CTNND2: variants seen among roughly 807,000 people sequenced by gnomAD.
The protein encoded by CTNND2 is catenin delta-2.
A neutral mutation model predicts 144.4 loss-of-function variants in CTNND2; 22 were observed. That is an observed-to-expected ratio of 0.15 (90% CI 0.11 to 0.22). CTNND2 has a LOEUF of 0.22. CTNND2 is among the 10% of genes least tolerant of loss of function. The pLI is 1.00. For missense variants in CTNND2, 1,353 were observed against 1,618.8 expected, an observed-to-expected ratio of 0.84 and a Z score of 2.82; for synonymous variants, 751 against 695.6, an observed-to-expected ratio of 1.08 and a Z score of -1.25.
chr5:11,448,226 G>C (rs1764998890), intron 3 of CTNND2, among the ~76,000 whole-genome samples: 1 of 152,076 alleles, frequency 6.6e-6, no homozygotes, highest in Admixed American at 6.6e-5. Context: ...GTGTAACTTT[G>C]GTAATGATAT....
chr5:11,666,943 G>C (rs1405201740), intron 2 of CTNND2, among the ~76,000 whole-genome samples: 1 of 151,602 alleles, frequency 6.6e-6, no homozygotes, highest in Non-Finnish European at 1.5e-5. Context: ...ACAGGCCCCA[G>C]TGTGTGATGT....
At chr5:11,805,060 C>T (rs938531376) in intron 1 of CTNND2, among the ~76,000 whole-genome samples, 11 of 152,084 alleles carry the variant, frequency 7.2e-5, no homozygotes, top group African/African-American at 1.9e-4. Flanking sequence ...CATGGGTTAA[C>T]GACTGTGATC....
At chr5:11,593,202 A>T (rs966800086) in intron 2 of CTNND2, among the ~76,000 whole-genome samples, 26 of 144,376 alleles carry the variant, frequency 1.8e-4, no homozygotes, top group African/African-American at 5.9e-4. Flanking sequence ...AACAGAATAT[A>T]AAAAAAGTTA....
At chr5:11,103,982 A>G (rs1288511573) in intron 14 of CTNND2, among the ~76,000 whole-genome samples, 1 of 152,208 alleles carries the variant, frequency 6.6e-6, no homozygotes, top group Non-Finnish European at 1.5e-5. Context: ...GAGAAGTGCT[A>G]AAATACACAG....
chr5:11,537,959 C>G (rs60968476), intron 3 of CTNND2, among the ~76,000 whole-genome samples: 3 of 152,138 alleles, frequency 2.0e-5, no homozygotes, highest in Non-Finnish European at 4.4e-5. Context: ...TATTCACCTA[C>G]GCTGTTACTA....
At chr5:11,547,849 G>A (rs1186467868) in intron 3 of CTNND2, among the ~76,000 whole-genome samples, 1 of 152,192 alleles carries the variant, frequency 6.6e-6, no homozygotes, top group African/African-American at 2.4e-5. Flanking sequence ...GAGAGAAGTT[G>A]AGGATGTTCC....
At chr5:11,076,954 A>G (rs1257793925) in intron 16 of CTNND2, among the ~76,000 whole-genome samples, 1 of 152,222 alleles carries the variant, frequency 6.6e-6, no homozygotes, top group Non-Finnish European at 1.5e-5. Flanking sequence ...GAGTGTCTGC[A>G]TGCATCTAGT....
chr5:11,449,695 C>A (rs61760347), intron 3 of CTNND2, among the ~76,000 whole-genome samples: 1,944 of 152,260 alleles, frequency 0.013, 48 homozygotes, highest in African/African-American at 0.045. Context: ...ATCCTGATTT[C>A]TTTTTTAGAT....
At chr5:11,835,537 T>C (rs1485258684) in intron 1 of CTNND2, among the ~76,000 whole-genome samples, 4 of 152,202 alleles carry the variant, frequency 2.6e-5, no homozygotes, top group Admixed American at 6.5e-5. Flanking sequence ...AATGTTAGTG[T>C]TGGTAGTTTG....
At chr5:11,329,691 GT>G (rs1280308927) in intron 9 of CTNND2, among the ~76,000 whole-genome samples, 1 of 152,192 alleles carries the variant, frequency 6.6e-6, no homozygotes, top group African/African-American at 2.4e-5. Flanking sequence ...AGAGAAGAAG[GT>G]GGTCAGAGGG....
At chr5:11,703,674 C>T (rs941098299) in intron 2 of CTNND2, among the ~76,000 whole-genome samples, 7 of 152,182 alleles carry the variant, frequency 4.6e-5, no homozygotes, top group African/African-American at 1.7e-4. Flanking sequence ...TAGACAATTT[C>T]ACAGTATTAC....
intron 2 of CTNND2, among the ~76,000 whole-genome samples, chr5:11,615,978 G>A (rs1458219880): frequency 1.3e-5 from 2 of 152,122 alleles, no homozygotes; most frequent in Non-Finnish European, 2.9e-5. Flanking sequence ...ATGGCCAAGT[G>A]GTTACTAAAA....
intron 9 of CTNND2, among the ~76,000 whole-genome samples, chr5:11,255,161 T>C (rs1744099581): frequency 6.6e-6 from 1 of 152,332 alleles, no homozygotes; most frequent in East Asian, 1.9e-4. Flanking sequence ...ATTTACTGCC[T>C]ATTGTATGAT....
chr5:11,842,335 C>G (rs867810435), intron 1 of CTNND2, among the ~76,000 whole-genome samples: 38 of 152,142 alleles, frequency 2.5e-4, no homozygotes, highest in African/African-American at 8.4e-4. Flanking sequence ...ACCAGTAACA[C>G]AAGCAAATTC....
At chr5:11,673,014 T>C (rs192533780) in intron 2 of CTNND2, among the ~76,000 whole-genome samples, 1 of 152,276 alleles carries the variant, frequency 6.6e-6, no homozygotes, top group Non-Finnish European at 1.5e-5. Context: ...TGCATCGATC[T>C]TGCTGGGAGC....
chr5:11,606,046 G>A (rs1403966611), intron 2 of CTNND2, among the ~76,000 whole-genome samples: 1 of 152,096 alleles, frequency 6.6e-6, no homozygotes, highest in Non-Finnish European at 1.5e-5. Flanking sequence ...TGTCAGAAGA[G>A]GCAAGAGACG....
At chr5:11,776,895 G>A (rs1790284893) in intron 1 of CTNND2, among the ~76,000 whole-genome samples, 1 of 152,096 alleles carries the variant, frequency 6.6e-6, no homozygotes, top group African/African-American at 2.4e-5. Flanking sequence ...TGAAAAGTAG[G>A]AAGCATCCCA....
chr5:11,565,223 A>G (rs897838060), intron 2 of CTNND2, among the ~76,000 whole-genome samples, 167 bp from the exon 3 acceptor site: 1 of 152,254 alleles, frequency 6.6e-6, no homozygotes, highest in Non-Finnish European at 1.5e-5. Context: ...CTTGTGGCCC[A>G]CTGGCCATGC....
intron 2 of CTNND2, among the ~76,000 whole-genome samples, chr5:11,627,474 C>T (rs576134511): frequency 1.3e-5 from 2 of 152,188 alleles, no homozygotes; most frequent in South Asian, 2.1e-4. Context: ...AATGTTCAGA[C>T]TCCATGCAGG....
Sources: gnomAD v4.1 joint callset for allele counts (sites outside exome capture counted in the v4.1 genomes callset) on GRCh38, gnomAD v4.1.1 for gene constraint, MANE v1.5 for transcripts, NCBI Gene and HGNC (gene_info 2026-07-23, HGNC 2026-07-21) for gene names.